The following GAS7 variants were observed in gnomAD, a reference collection of about 807,000 sequenced individuals.
GAS7 encodes the protein growth arrest specific 7, also known as growth arrest-specific protein 7.
A neutral mutation model predicts 71.1 loss-of-function variants in GAS7; 28 were observed. The ratio of observed to expected loss-of-function variants is 0.39; its 90% CI spans 0.29 to 0.54. The LOEUF is 0.54. Among genes scored for constraint, GAS7 ranks in the 20% least tolerant of loss-of-function variants. The pLI is 0.62. For missense variants in GAS7, 436 were observed against 627.8 expected, an observed-to-expected ratio of 0.69 and a Z score of 3.27; for synonymous variants, 258 against 245.8, an observed-to-expected ratio of 1.05 and a Z score of -0.46.
At chr17:10,102,576 C>T (rs1548356) in intron 1 of GAS7, among the ~76,000 whole-genome samples, 54,906 of 151,986 alleles carry the variant, frequency 0.36, 10,581 homozygotes, top group Middle Eastern at 0.4. Flanking sequence ...GCCTCCACAC[C>T]ACCTTGGCTA....
chr17:9,964,363 A>T (rs952294644), intron 4 of GAS7, among the ~76,000 whole-genome samples: 2 of 152,088 alleles, frequency 1.3e-5, no homozygotes, highest in African/African-American at 4.8e-5. Context: ...GGGATCCTGT[A>T]CAAAACCCCT....
At chr17:9,979,139 C>T (rs572049547) in intron 3 of GAS7, among the ~76,000 whole-genome samples, 4 of 152,328 alleles carry the variant, frequency 2.6e-5, no homozygotes, top group African/African-American at 7.2e-5. Context: ...AAAGCACAAA[C>T]GAACTGAGTT....
intron 1 of GAS7, among the ~76,000 whole-genome samples, chr17:10,108,365 A>G (rs2073779480): frequency 2.0e-5 from 3 of 152,176 alleles, no homozygotes; most frequent in Admixed American, 2.0e-4. Context: ...CCACTGCCTG[A>G]TTCTTTAGCA....
At chr17:10,049,790 T>G (rs1352447602) in intron 1 of GAS7, among the ~76,000 whole-genome samples, 4 of 151,830 alleles carry the variant, frequency 2.6e-5, no homozygotes, top group Non-Finnish European at 5.9e-5. Context: ...CCAGCTAATT[T>G]TTTGTATTCT....
intron 1 of GAS7, among the ~76,000 whole-genome samples, chr17:10,143,755 G>A (rs7210052): frequency 0.86 from 130,231 of 152,184 alleles, 55,813 homozygotes; most frequent in Middle Eastern, 0.89. Flanking sequence ...GACATTTATG[G>A]TCTCAGACTT....
chr17:10,089,380 C>T (rs1193610144), intron 1 of GAS7, among the ~76,000 whole-genome samples: 1 of 152,098 alleles, frequency 6.6e-6, no homozygotes, highest in Non-Finnish European at 1.5e-5. Context: ...CAGCCAGCAC[C>T]AAAGGAGAAG....
intron 1 of GAS7, among the ~76,000 whole-genome samples, chr17:10,154,412 G>A (rs1040106183): frequency 6.6e-6 from 1 of 152,066 alleles, no homozygotes; most frequent in Admixed American, 6.6e-5. Flanking sequence ...GCCAAGGTGG[G>A]AGGATTGCTT....
At position 9,969,826 on chromosome 17, in the gene GAS7, T is replaced by C; in HGVS notation, c.386-64A>G. 9.5e-7 allele frequency: 1 copy of C among 1,047,472 alleles called. No homozygotes were observed. The highest frequency in any genetic ancestry group is 1.5e-6 in the Non-Finnish European group (1 of 665,848). 64.9% of individuals were successfully genotyped at this position (1,047,472 alleles called of 1,614,324 possible). On this transcript the variant is annotated intron_variant, in intron 3 of 13. Coordinates refer to ENST00000432992, the MANE Select transcript of GAS7 (RefSeq NM_201433.2). This position sits in a 1 kb window ranked among gnomAD's most constrained non-coding sequence, Gnocchi z 5.5. ...CACAGATGGGCACCCCCGCCTTTCG[T>C]CCACTGCAGCCCCTTTTCCCACCTC...
rs370442843 is a variant in GAS7, at chr17:9,940,252, G to A, written c.732-52C>T. The stretch of plus-strand genomic sequence containing the variant: ...ATCAGCTCTCCAGTGCCAGATCGTG[G>A]GTCTGCCCTGCTGCCCTGCACACCT... On this transcript the variant is annotated intron_variant, in intron 7 of 13. Transcript: ENST00000432992. The A allele has an allele frequency of 3.4e-5, 47 of 1,384,370 alleles. No homozygotes were observed. In the African/African-American group the frequency reaches 6.4e-4, roughly 19 times the overall value. 85.8% of individuals were successfully genotyped at this position (1,384,370 alleles called of 1,614,324 possible).
chr17:9,952,338 A>G lies in GAS7; in HGVS notation c.526-5355T>C, dbSNP rs74320742. Among the ~76,000 whole-genome samples, 683 of 152,234 alleles carry G rather than the reference A, an allele frequency of 4.5e-3. 3 individuals are homozygous for G. The highest frequency in any genetic ancestry group is 0.016 in the African/African-American group (651 of 41,540). ...AGACACACAGATAAACAAGCCACAG[A>G]GCCCTGCTCTTAAGATCCTACATGG... On this transcript the variant is annotated intron_variant, in intron 5 of 13. Coordinates refer to ENST00000432992, the MANE Select transcript of GAS7 (RefSeq NM_201433.2).
chr17:9,967,556 A>G (rs1439696925), intron 4 of GAS7, among the ~76,000 whole-genome samples: 2 of 117,928 alleles, frequency 1.7e-5, no homozygotes, highest in East Asian at 2.3e-4. Flanking sequence ...CTAAGTATAG[A>G]TAAGTATAGA....
intron 1 of GAS7, among the ~76,000 whole-genome samples, chr17:10,023,031 A>G (rs1202123547): frequency 6.6e-6 from 1 of 152,190 alleles, no homozygotes; most frequent in Non-Finnish European, 1.5e-5. Flanking sequence ...TCCGCAAGGC[A>G]CTGATGACCA....
chr17:10,051,924 C>A (rs2073067681), intron 1 of GAS7, among the ~76,000 whole-genome samples: 2 of 152,126 alleles, frequency 1.3e-5, no homozygotes, highest in African/African-American at 4.8e-5. Context: ...TAGATCTTAT[C>A]TTTTTGTTGT....
intron 1 of GAS7, among the ~76,000 whole-genome samples, chr17:10,124,297 A>G (rs2073927936): frequency 6.6e-6 from 1 of 152,202 alleles, no homozygotes. Context: ...GCAAGACTTG[A>G]GCCCGTGAGG....
intron 1 of GAS7, among the ~76,000 whole-genome samples, chr17:10,070,450 G>A (rs550959392): frequency 3.4e-5 from 5 of 148,038 alleles, no homozygotes; most frequent in Admixed American, 1.4e-4. Flanking sequence ...TACAACCTGC[G>A]CCTCCCAGGT....
At chr17:10,011,381 C>T (rs962260156) in intron 2 of GAS7, among the ~76,000 whole-genome samples, 4 of 151,992 alleles carry the variant, frequency 2.6e-5, no homozygotes, top group African/African-American at 9.7e-5. Flanking sequence ...AGGGGCTTGG[C>T]CAGTGTGAAA....
chr17:10,190,222 C>G (rs897049487), intron 1 of GAS7, among the ~76,000 whole-genome samples: 4 of 152,174 alleles, frequency 2.6e-5, no homozygotes, highest in African/African-American at 4.8e-5. Context: ...ATGGCCCACA[C>G]AGCCTAAAAT....
chr17:10,046,785 AAAGGAAGGAAGGAAGG>A lies in GAS7; in HGVS notation c.184-26904_184-26889del, dbSNP rs57271954. On this transcript the variant is annotated intron_variant, in intron 1 of 13. Transcript: ENST00000432992. ...AAAGAAAGAAGAGAAAGAAAGAAAG[AAAGGAAGGAAGGAAGG>A]AAGGAAGGAAGGAAGGAAGGAAGGA... Among the ~76,000 whole-genome samples, 463 of 68,802 alleles carry A rather than the reference AAAGGAAGGAAGGAAGG, an allele frequency of 6.7e-3. 13 individuals are homozygous for A. The highest frequency in any genetic ancestry group is 0.014 in the Middle Eastern group (2 of 138). The allele number at this position is 68,802 out of a possible 152,430, so 45.1% of individuals were successfully genotyped here.
Position 9,946,994 on chromosome 17 carries a change from C to A in GAS7, c.526-11G>T. ...CGTCACACAGTTTATCTGTAGGGCACAGAACAAGAAAGAATGACCCCGCTG... is the reference window on the plus strand; with the variant it reads ...CGTCACACAGTTTATCTGTAGGGCAAAGAACAAGAAAGAATGACCCCGCTG... On this transcript the variant is annotated splice_polypyrimidine_tract_variant and intron_variant, in intron 5 of 13. Transcript: ENST00000432992. 1 of 1,596,708 alleles carries A rather than the reference C, an allele frequency of 6.3e-7. No homozygotes were observed. Among genetic ancestry groups the A allele is most frequent in the South Asian group, 1.1e-5 (1 of 90,690 alleles).
Sources: gnomAD v4.1 joint callset for allele counts (sites outside exome capture counted in the v4.1 genomes callset) on GRCh38, gnomAD v4.1.1 for gene constraint, Gnocchi (gnomAD v3.1) non-coding constraint, MANE v1.5 for transcripts, NCBI Gene and HGNC (gene_info 2026-07-23, HGNC 2026-07-21) for gene names.